The following TNKS variants were observed in gnomAD, a reference collection of about 807,000 sequenced individuals.
TNKS encodes the protein poly [ADP-ribose] polymerase tankyrase-1.
A neutral mutation model predicts 135.8 loss-of-function variants in TNKS; 72 were observed. The observed-to-expected ratio is 0.53, with a 90% CI of 0.44 to 0.64. The LOEUF (loss-of-function observed/expected upper bound fraction) is 0.64. TNKS is among the 30% of genes least tolerant of loss of function. TNKS has a pLI of 0.00. For synonymous variants in TNKS, 849 were observed against 649.3 expected, an observed-to-expected ratio of 1.31 and a Z score of -4.68; for missense variants, 1,769 against 1,674.0, an observed-to-expected ratio of 1.06 and a Z score of -0.99.
At chr8:9,564,944 G>A (rs1328572869) in intron 1 of TNKS, among the ~76,000 whole-genome samples, 1 of 152,022 alleles carries the variant, frequency 6.6e-6, no homozygotes, top group East Asian at 1.9e-4. Flanking sequence ...AAGAAAAAAT[G>A]AGTAGGGTGG....
intron 16 of TNKS, 22 bp downstream of exon 16, chr8:9,735,106 A>G: frequency 6.2e-7 from 1 of 1,603,112 alleles, no homozygotes; most frequent in Non-Finnish European, 8.5e-7. Context: ...CAGTGCCTCC[A>G]AGCCTCCTTT....
intron 5 of TNKS, among the ~76,000 whole-genome samples, chr8:9,702,409 T>G (rs921889531): frequency 1.3e-5 from 2 of 152,060 alleles, no homozygotes; most frequent in African/African-American, 4.8e-5. Flanking sequence ...AGAGGAAATA[T>G]TAGCGTATCC....
intron 20 of TNKS, among the ~76,000 whole-genome samples, chr8:9,754,859 C>G (rs1378629861): frequency 6.6e-6 from 1 of 152,114 alleles, no homozygotes; most frequent in East Asian, 1.9e-4. Context: ...TTTATTCATC[C>G]TCTGGTTTGG....
At chr8:9,589,657 G>A (rs1798515376) in intron 2 of TNKS, among the ~76,000 whole-genome samples, 3 of 152,178 alleles carry the variant, frequency 2.0e-5, no homozygotes, top group Non-Finnish European at 2.9e-5. Context: ...TTGGCCCCTC[G>A]GGCCTCACCA....
At chr8:9,582,933 G>A (rs959456971) in intron 2 of TNKS, among the ~76,000 whole-genome samples, 13 of 152,196 alleles carry the variant, frequency 8.5e-5, no homozygotes, top group Non-Finnish European at 7.4e-5. Context: ...TTGGGAGGCT[G>A]AGATGGGCAG....
At chr8:9,688,066 C>T (rs1803091589) in intron 5 of TNKS, among the ~76,000 whole-genome samples, 1 of 152,174 alleles carries the variant, frequency 6.6e-6, no homozygotes, top group Non-Finnish European at 1.5e-5. Flanking sequence ...CCCATTTCTC[C>T]AACTGAATGG....
intron 3 of TNKS, among the ~76,000 whole-genome samples, chr8:9,654,638 T>C (rs1460040761): frequency 6.6e-6 from 1 of 152,248 alleles, no homozygotes; most frequent in East Asian, 1.9e-4. Context: ...AAAATTCTAT[T>C]TGTTGCTTTG....
intron 3 of TNKS, among the ~76,000 whole-genome samples, chr8:9,660,263 A>C (rs1801630980): frequency 6.6e-6 from 1 of 152,242 alleles, no homozygotes; most frequent in South Asian, 2.1e-4. Flanking sequence ...CTGATACCAA[A>C]GCCTGGCAGA....
At chr8:9,747,956 G>A in intron 17 of TNKS, 68 bp from the exon 18 acceptor site, 1 of 1,409,396 alleles carries the variant, frequency 7.1e-7, no homozygotes, top group Non-Finnish European at 9.6e-7. Flanking sequence ...ATAAAAACAG[G>A]TATACACAAT....
chr8:9,605,807 T>C (rs898167540), intron 2 of TNKS, among the ~76,000 whole-genome samples: 2 of 152,102 alleles, frequency 1.3e-5, no homozygotes, highest in Admixed American at 6.5e-5. Flanking sequence ...CTTTTAATGA[T>C]TGATTTGTAG....
At chr8:9,656,849 C>T (rs1801399271) in intron 3 of TNKS, among the ~76,000 whole-genome samples, 1 of 140,300 alleles carries the variant, frequency 7.1e-6, no homozygotes, top group Non-Finnish European at 1.5e-5. Context: ...CTTCAAGCAT[C>T]TGTTTAACAA....
chr8:9,633,381 C>G (rs1407609533), intron 3 of TNKS, among the ~76,000 whole-genome samples: 2 of 152,184 alleles, frequency 1.3e-5, no homozygotes, highest in African/African-American at 2.4e-5. Context: ...TATTTTACAT[C>G]TGTACAATAG....
chr8:9,622,426 A>G (rs1186745810), intron 3 of TNKS, among the ~76,000 whole-genome samples: 4 of 152,180 alleles, frequency 2.6e-5, no homozygotes, highest in Non-Finnish European at 5.9e-5. Context: ...CTGAATCCTC[A>G]CAATGAAGCT....
intron 1 of TNKS, among the ~76,000 whole-genome samples, chr8:9,565,227 G>C (rs975882023): frequency 2.6e-5 from 4 of 152,028 alleles, no homozygotes; most frequent in African/African-American, 9.7e-5. Flanking sequence ...TTTTTTTTAA[G>C]CTGTTTTTTG....
At chr8:9,572,343 G>A (rs568645109) in intron 1 of TNKS, among the ~76,000 whole-genome samples, 2 of 152,192 alleles carry the variant, frequency 1.3e-5, no homozygotes, top group African/African-American at 4.8e-5. Context: ...AAAGACTATG[G>A]CCTTTGTTGT....
At chr8:9,579,408 A>G (rs1041577530) in intron 1 of TNKS, among the ~76,000 whole-genome samples, 2 of 152,168 alleles carry the variant, frequency 1.3e-5, no homozygotes, top group Non-Finnish European at 2.9e-5. Context: ...TTTCCCTAAT[A>G]CAATGCTGTG....
intron 1 of TNKS, among the ~76,000 whole-genome samples, chr8:9,562,102 C>T (rs1797359195): frequency 6.6e-6 from 1 of 152,240 alleles, no homozygotes; most frequent in Middle Eastern, 3.4e-3. Context: ...CAGGAGTGAC[C>T]CACCACGCCT....
chr8:9,561,114 A>G (rs1797315704), intron 1 of TNKS, among the ~76,000 whole-genome samples: 1 of 152,192 alleles, frequency 6.6e-6, no homozygotes, highest in African/African-American at 2.4e-5. Context: ...ATGTTCTTTT[A>G]TCCGTCAATC....
At chr8:9,564,101 G>C (rs764453126) in intron 1 of TNKS, among the ~76,000 whole-genome samples, 1 of 152,104 alleles carries the variant, frequency 6.6e-6, no homozygotes, top group Non-Finnish European at 1.5e-5. Flanking sequence ...TATAACCTAT[G>C]AGACATTTTT....
Sources: allele counts gnomAD v4.1 joint callset (sites outside exome capture counted in the v4.1 genomes callset), GRCh38; gene constraint gnomAD v4.1.1; transcripts MANE v1.5; gene names NCBI Gene and HGNC (gene_info 2026-07-23, HGNC 2026-07-21).